Variants in GRID1 observed in about 807,000 individuals in gnomAD.
GRID1 encodes glutamate ionotropic receptor delta type subunit 1, also known as glutamate receptor ionotropic, delta-1.
GRID1 carries 28 observed loss-of-function variants against 98.0 expected under a neutral mutation model. The ratio of observed to expected loss-of-function variants is 0.29; its 90% CI spans 0.21 to 0.39. The LOEUF is 0.39. Ranked by LOEUF, GRID1 falls within the 10% of genes least tolerant of loss-of-function variation. GRID1 has a pLI of 1.00. For missense variants in GRID1, 1,111 were observed against 1,340.5 expected (o/e 0.83, Z 2.67); for synonymous variants, 553 against 538.5 (o/e 1.03, Z -0.37).
intron 2 of GRID1, among the ~76,000 whole-genome samples, chr10:86,320,214 G>C (rs971607768): frequency 1.3e-5 from 2 of 152,214 alleles, no homozygotes; most frequent in Non-Finnish European, 2.9e-5. Context: ...ATCACTAAGC[G>C]AATGAGGATG....
chr10:86,095,741 G>A (rs547396983), intron 4 of GRID1, among the ~76,000 whole-genome samples: 2 of 152,222 alleles, frequency 1.3e-5, no homozygotes, highest in South Asian at 4.2e-4. Context: ...TGGTGAACAG[G>A]GAACACTTCC....
intron 4 of GRID1, among the ~76,000 whole-genome samples, chr10:86,057,388 C>T (rs910129625): frequency 3.9e-5 from 6 of 152,180 alleles, no homozygotes; most frequent in African/African-American, 1.4e-4. Context: ...CTGGGATGAC[C>T]TTCTTCTGCA....
chr10:85,716,204 C>T (rs572615075), intron 12 of GRID1, among the ~76,000 whole-genome samples: 1 of 152,272 alleles, frequency 6.6e-6, no homozygotes, highest in African/African-American at 2.4e-5. Context: ...CTGCACCCAG[C>T]CAGAATCAAC....
At chr10:85,983,876 G>C (rs937680883) in intron 4 of GRID1, among the ~76,000 whole-genome samples, 1 of 152,088 alleles carries the variant, frequency 6.6e-6, no homozygotes, top group Non-Finnish European at 1.5e-5. Flanking sequence ...TAAAGAAAAG[G>C]CCCTTTCTTT....
At chr10:85,712,825 A>G (rs1385111348) in intron 12 of GRID1, among the ~76,000 whole-genome samples, 1 of 151,734 alleles carries the variant, frequency 6.6e-6, no homozygotes, top group Admixed American at 6.6e-5. Flanking sequence ...CAACAAGTAG[A>G]TCATAGAAAA....
At chr10:85,800,741 C>T (rs1290054225) in intron 8 of GRID1, among the ~76,000 whole-genome samples, 2 of 152,026 alleles carry the variant, frequency 1.3e-5, no homozygotes, top group East Asian at 1.9e-4. Context: ...ATATTACTTT[C>T]TATGTGTCAG....
chr10:85,935,076 C>T (rs771936338), intron 4 of GRID1, among the ~76,000 whole-genome samples: 4 of 152,208 alleles, frequency 2.6e-5, no homozygotes, highest in Non-Finnish European at 4.4e-5. Flanking sequence ...CTGACCATGA[C>T]GGGTCCCGGC....
chr10:86,291,483 C>T (rs1413792224), intron 2 of GRID1, among the ~76,000 whole-genome samples: 1 of 152,124 alleles, frequency 6.6e-6, no homozygotes, highest in Non-Finnish European at 1.5e-5. Flanking sequence ...ACAGCAGCCT[C>T]GCCAGTACCA....
At chr10:85,908,133 T>A (rs1841487873) in intron 5 of GRID1, among the ~76,000 whole-genome samples, 1 of 152,160 alleles carries the variant, frequency 6.6e-6, no homozygotes, top group Non-Finnish European at 1.5e-5. Context: ...AAATGATGTC[T>A]CCTGTCACCA....
At chr10:85,808,273 G>T (rs542377430) in intron 8 of GRID1, among the ~76,000 whole-genome samples, 1 of 152,076 alleles carries the variant, frequency 6.6e-6, no homozygotes, top group Non-Finnish European at 1.5e-5. Context: ...ACACAAGCAC[G>T]GAATGAGAGT....
At chr10:85,777,683 G>C (rs1842344870) in intron 8 of GRID1, among the ~76,000 whole-genome samples, 1 of 152,214 alleles carries the variant, frequency 6.6e-6, no homozygotes, top group South Asian at 2.1e-4. Context: ...GCCTACTAAA[G>C]AGACTTCTCA....
At chr10:85,920,725 C>T (rs1001324371) in intron 4 of GRID1, among the ~76,000 whole-genome samples, 26 of 152,174 alleles carry the variant, frequency 1.7e-4, no homozygotes, top group African/African-American at 5.8e-4. Context: ...ATGACCCGGT[C>T]AGACAAGCAA....
intron 5 of GRID1, among the ~76,000 whole-genome samples, chr10:85,878,479 G>A (rs1344397911): frequency 6.6e-6 from 1 of 152,192 alleles, no homozygotes; most frequent in African/African-American, 2.4e-5. Flanking sequence ...CATTCTTAAA[G>A]AAAAGAATTT....
At chr10:85,755,961 C>A (rs1248413921) in intron 8 of GRID1, among the ~76,000 whole-genome samples, 2 of 152,068 alleles carry the variant, frequency 1.3e-5, no homozygotes, top group African/African-American at 4.8e-5. Flanking sequence ...AGCTCAGGAA[C>A]CTTCTCTCAC....
At chr10:86,320,414 T>C (rs1419798471) in intron 2 of GRID1, among the ~76,000 whole-genome samples, 2 of 152,178 alleles carry the variant, frequency 1.3e-5, no homozygotes, top group East Asian at 1.9e-4. Flanking sequence ...GAAAACCTCA[T>C]GCTAAGTGAA....
intron 5 of GRID1, among the ~76,000 whole-genome samples, chr10:85,893,526 A>C (rs1243385902): frequency 6.6e-6 from 1 of 152,182 alleles, no homozygotes; most frequent in Non-Finnish European, 1.5e-5. Context: ...TAAGAAGTGA[A>C]TTTAGCAAGA....
chr10:85,717,057 T>C (rs533117289), intron 12 of GRID1, among the ~76,000 whole-genome samples: 2 of 152,292 alleles, frequency 1.3e-5, no homozygotes, highest in East Asian at 3.9e-4. Context: ...CATGGTGCTA[T>C]AGTTAATAAA....
intron 3 of GRID1, among the ~76,000 whole-genome samples, chr10:86,202,458 G>A (rs1845968262): frequency 6.6e-6 from 1 of 152,232 alleles, no homozygotes; most frequent in African/African-American, 2.4e-5. Context: ...ATACACACAT[G>A]AATATCCCAG....
At chr10:85,774,339 G>T (rs974869838) in intron 8 of GRID1, among the ~76,000 whole-genome samples, 1 of 152,300 alleles carries the variant, frequency 6.6e-6, no homozygotes, top group South Asian at 2.1e-4. Context: ...ATGGATTAAA[G>T]ACTTAAATGT....
Sources: gnomAD v4.1 joint callset for allele counts (sites outside exome capture counted in the v4.1 genomes callset) on GRCh38, gnomAD v4.1.1 for gene constraint, MANE v1.5 for transcripts, NCBI Gene and HGNC (gene_info 2026-07-23, HGNC 2026-07-21) for gene names.